NRF1: variants seen among roughly 807,000 people sequenced by gnomAD.
NRF1 encodes the protein nuclear respiratory factor 1.
A neutral mutation model predicts 58.5 loss-of-function variants in NRF1; 5 were observed. The observed-to-expected ratio is 0.09, with a 90% confidence interval of 0.04 to 0.18. The LOEUF is 0.18. Among genes scored for constraint, NRF1 ranks in the 10% least tolerant of loss-of-function variants. The pLI, the probability that NRF1 is intolerant of heterozygous loss-of-function variation, is 1.00. For missense variants in NRF1, 288 were observed against 657.7 expected, an observed-to-expected ratio of 0.44 and a Z score of 6.15; for synonymous variants, 224 against 246.7, an observed-to-expected ratio of 0.91 and a Z score of 0.86.
chr7:129,669,539 A>G (rs979956108), intron 2 of NRF1, among the ~76,000 whole-genome samples: 3 of 152,222 alleles, frequency 2.0e-5, no homozygotes, highest in South Asian at 2.1e-4. Context: ...TTAAGTTTTC[A>G]TAATAAAATA....
intron 1 of NRF1, among the ~76,000 whole-genome samples, chr7:129,619,171 T>C (rs1800716625): frequency 6.6e-6 from 1 of 151,586 alleles, no homozygotes; most frequent in Non-Finnish European, 1.5e-5. Flanking sequence ...AAAGAATGGC[T>C]AAACAGATAA....
intron 10 of NRF1, among the ~76,000 whole-genome samples, chr7:129,737,925 CTG>C (rs1490852522): frequency 6.6e-6 from 1 of 152,178 alleles, no homozygotes; most frequent in African/African-American, 2.4e-5. Context: ...CCCTAAGCAA[CTG>C]TTTTTTGTGT....
chr7:129,756,873 T>TAATTA lies in NRF1; in HGVS notation c.*1693_*1697dup, dbSNP rs1482533561. The TAATTA allele has an allele frequency of 6.6e-6, 1 of 152,602 alleles. No individual in the cohort carries two copies. Among genetic ancestry groups the TAATTA allele is most frequent in the African/African-American group, 2.4e-5 (1 of 41,440 alleles). 9.5% of individuals were successfully genotyped at this position (152,602 alleles called of 1,614,324 possible). On this transcript the variant is annotated 3_prime_UTR_variant, in exon 11 of 11. Coordinates refer to ENST00000393232, the MANE Select transcript of NRF1 (RefSeq NM_005011.5). ...CTAGTTCTACAATTTGTTATTTTTT[T>TAATTA]AATTATTATTTTTTATCGTCATTGT...
chr7:129,619,427 T>TACACAC (rs1295058351), intron 1 of NRF1, among the ~76,000 whole-genome samples: 29 of 81,082 alleles, frequency 3.6e-4, no homozygotes, highest in African/African-American at 1.4e-3. Flanking sequence ...TATATATATA[T>TACACAC]ATATATACAC....
rs1341820771 is a variant in NRF1 at position 129,711,416 on chromosome 7, G to T, written c.964-59G>T. ...GGATTAAATGAGTCTCAGCTTCTGAGTAAAGAGGTGGAAGGATCCATCCAC... is the reference window on the plus strand; with the variant it reads ...GGATTAAATGAGTCTCAGCTTCTGATTAAAGAGGTGGAAGGATCCATCCAC... On this transcript the variant is annotated intron_variant, in intron 7 of 10. Transcript: ENST00000393232. The T allele has an allele frequency of 4.6e-6, 6 of 1,296,576 alleles. No individual in the cohort carries two copies. In the African/African-American group the frequency reaches 8.7e-5, roughly 19 times the overall value. The allele number at this position is 1,296,576 out of a possible 1,614,324, so 80.3% of individuals were successfully genotyped here.
At chr7:129,704,069 TGAAGG>T (rs1055510422) in intron 5 of NRF1, among the ~76,000 whole-genome samples, 12 of 148,196 alleles carry the variant, frequency 8.1e-5, no homozygotes, top group Non-Finnish European at 1.5e-5. Flanking sequence ...TTTTTTTAAT[TGAAGG>T]GAGAGAAACA....
chr7:129,708,258 A>G (rs1283815904), intron 5 of NRF1, among the ~76,000 whole-genome samples: 1 of 152,240 alleles, frequency 6.6e-6, no homozygotes, highest in Admixed American at 6.5e-5. Flanking sequence ...GCGATTAAGA[A>G]TATTCACAAA....
rs1800531704 is a variant in NRF1 at position 129,611,765 on chromosome 7, A to G, written c.-66A>G. 1.7e-5 allele frequency: 5 copies of G among 295,302 alleles called. No homozygotes were observed. The highest frequency in any genetic ancestry group is 1.0e-4 in the Admixed American group (2 of 19,354). 18.3% of individuals were successfully genotyped at this position (295,302 alleles called of 1,614,324 possible). ...TTGCCGCTGGTGGCAGGAGGCTGCGAGGAGCCGGCGCGGTCGCAGTCTCCA... is the reference window on the plus strand; with the variant it reads ...TTGCCGCTGGTGGCAGGAGGCTGCGGGGAGCCGGCGCGGTCGCAGTCTCCA... On this transcript the variant is annotated 5_prime_UTR_variant, in exon 1 of 11. Coordinates refer to ENST00000393232, the MANE Select transcript of NRF1 (RefSeq NM_005011.5).
At chr7:129,657,704 G>T (rs1460488675) in intron 2 of NRF1, 130 bp downstream of exon 2, 4 of 630,358 alleles carry the variant, frequency 6.3e-6, no homozygotes, top group Non-Finnish European at 8.1e-6. Flanking sequence ...TGATCTTCCG[G>T]GTTCAAGTGA....
intron 1 of NRF1, among the ~76,000 whole-genome samples, chr7:129,622,338 C>G (rs1050921346): frequency 6.6e-6 from 1 of 152,022 alleles, no homozygotes; most frequent in Non-Finnish European, 1.5e-5. Flanking sequence ...GCTTTTTCCC[C>G]ATTTGAAAAA....
chr7:129,666,632 A>C (rs1801929584), intron 2 of NRF1, among the ~76,000 whole-genome samples: 1 of 152,244 alleles, frequency 6.6e-6, no homozygotes, highest in African/African-American at 2.4e-5. Context: ...CCTGGGTTCA[A>C]GCAATTCTCC....
chr7:129,646,007 A>G (rs1170027940), intron 1 of NRF1, among the ~76,000 whole-genome samples: 1 of 151,960 alleles, frequency 6.6e-6, no homozygotes, highest in Non-Finnish European at 1.5e-5. Flanking sequence ...GTACCACCAC[A>G]CCCGGCTGAT....
chr7:129,709,655 T>C (rs575705288), intron 6 of NRF1, among the ~76,000 whole-genome samples: 1 of 152,224 alleles, frequency 6.6e-6, no homozygotes, highest in African/African-American at 2.4e-5. Flanking sequence ...ACAAAACTTT[T>C]ACAAGAAAGA....
chr7:129,619,255 A>G (rs1800718129), intron 1 of NRF1, among the ~76,000 whole-genome samples: 1 of 150,776 alleles, frequency 6.6e-6, no homozygotes, highest in South Asian at 2.1e-4. Flanking sequence ...GTGAAATACC[A>G]CAGAGTTCAT....
At chr7:129,701,999 T>G (rs1434245849) in intron 5 of NRF1, among the ~76,000 whole-genome samples, 1 of 152,230 alleles carries the variant, frequency 6.6e-6, no homozygotes, top group Non-Finnish European at 1.5e-5. Flanking sequence ...ATTTGTGTTT[T>G]TCTTTAATCA....
intron 1 of NRF1, among the ~76,000 whole-genome samples, chr7:129,635,720 G>A (rs1247595261): frequency 6.6e-6 from 1 of 152,104 alleles, no homozygotes; most frequent in Non-Finnish European, 1.5e-5. Flanking sequence ...CAAGGCCCAC[G>A]TCTCCAGTGC....
intron 3 of NRF1, among the ~76,000 whole-genome samples, chr7:129,676,167 C>T (rs1042395884): frequency 3.3e-5 from 5 of 152,192 alleles, no homozygotes; most frequent in African/African-American, 4.8e-5. Context: ...GATCTTTTAT[C>T]CGGACCACTA....
intron 10 of NRF1, among the ~76,000 whole-genome samples, chr7:129,747,842 A>C (rs1330518176): frequency 6.6e-6 from 1 of 152,216 alleles, no homozygotes; most frequent in Non-Finnish European, 1.5e-5. Context: ...AAAGGTGTTA[A>C]GGCTGTTTGG....
chr7:129,735,730 C>G (rs941608203), intron 10 of NRF1, among the ~76,000 whole-genome samples: 1 of 150,936 alleles, frequency 6.6e-6, no homozygotes, highest in Non-Finnish European at 1.5e-5. Context: ...ATAAGACCAC[C>G]GGGCGCGGTG....
Sources: allele counts gnomAD v4.1 joint callset (sites outside exome capture counted in the v4.1 genomes callset), GRCh38; gene constraint gnomAD v4.1.1; transcripts MANE v1.5; gene names NCBI Gene and HGNC (gene_info 2026-07-23, HGNC 2026-07-21).